Variants in PTPRN2 observed in about 807,000 individuals in gnomAD.
PTPRN2 encodes the protein protein tyrosine phosphatase receptor type N2, also known as receptor-type tyrosine-protein phosphatase N2.
Under a neutral mutation model 118.8 loss-of-function variants are expected in PTPRN2, and 74 were observed. The observed-to-expected ratio is 0.62, with a 90% confidence interval of 0.52 to 0.76. PTPRN2 has a LOEUF of 0.76. PTPRN2 is among the 30% of genes least tolerant of loss of function. The pLI is 0.00. For missense variants in PTPRN2, 1,481 were observed against 1,394.4 expected (o/e 1.06, Z -0.99); for synonymous variants, 641 against 608.0 (o/e 1.05, Z -0.80).
At chr7:157,740,684 T>C (rs73165812) in intron 12 of PTPRN2, among the ~76,000 whole-genome samples, 10,147 of 152,152 alleles carry the variant, frequency 0.067, 649 homozygotes, top group African/African-American at 0.16. Context: ...TCCTAATCAA[T>C]GCTTTTTCTT....
intron 1 of PTPRN2, among the ~76,000 whole-genome samples, chr7:158,523,458 G>A (rs1416501208): frequency 4.2e-5 from 6 of 141,376 alleles, no homozygotes; most frequent in South Asian, 4.7e-4. Flanking sequence ...GGAGTCGTCT[G>A]CCCTGGAGTG....
At chr7:157,722,490 G>T (rs1443578731) in intron 12 of PTPRN2, among the ~76,000 whole-genome samples, 3 of 152,212 alleles carry the variant, frequency 2.0e-5, no homozygotes, top group Admixed American at 6.5e-5. Flanking sequence ...CCCGTGGGTG[G>T]TGCAGACGAG....
intron 3 of PTPRN2, among the ~76,000 whole-genome samples, chr7:158,316,579 C>G (rs1802341182): frequency 6.6e-6 from 1 of 152,144 alleles, no homozygotes; most frequent in South Asian, 2.1e-4. Context: ...GCCACTGCAG[C>G]CTCCTGGCAT....
At chr7:157,878,895 C>T (rs1333511976) in intron 12 of PTPRN2, among the ~76,000 whole-genome samples, 9 of 124,180 alleles carry the variant, frequency 7.2e-5, no homozygotes, top group African/African-American at 3.1e-4. Context: ...AGTGTGATAC[C>T]ATGCACCCAC....
chr7:157,985,578 C>T (rs1436491740), intron 11 of PTPRN2, among the ~76,000 whole-genome samples: 1 of 152,198 alleles, frequency 6.6e-6, no homozygotes, highest in Non-Finnish European at 1.5e-5. Flanking sequence ...GTAGTTATAC[C>T]ATATATGATC....
chr7:157,890,115 G>C (rs188095955), intron 12 of PTPRN2, among the ~76,000 whole-genome samples: 239 of 150,110 alleles, frequency 1.6e-3, no homozygotes, highest in African/African-American at 5.8e-3. Context: ...TGATTTCCTT[G>C]CTCGATGGAG....
rs139323903 is a variant in PTPRN2 at position 158,255,268 on chromosome 7, C to T, written c.278-49995G>A. On this transcript the variant is annotated intron_variant, in intron 3 of 22. Transcript: ENST00000389418. ...AGGAAGATGTTTGGGGCTTATCTGA[C>T]CGTTTCTACAAGCATCTCTCAAATC... Among the ~76,000 whole-genome samples the T allele has an allele frequency of 9.8e-5, 15 of 152,294 alleles. No homozygotes were observed. In the East Asian group the frequency reaches 2.7e-3, roughly 27 times the overall value.
intron 14 of PTPRN2, among the ~76,000 whole-genome samples, chr7:157,638,853 C>T (rs1321497103): frequency 6.6e-6 from 1 of 152,192 alleles, no homozygotes; most frequent in African/African-American, 2.4e-5. Flanking sequence ...CCGTCAGGGC[C>T]CACTCGCTGC....
intron 2 of PTPRN2, among the ~76,000 whole-genome samples, chr7:158,347,513 G>C (rs1807602078): frequency 6.6e-6 from 1 of 152,128 alleles, no homozygotes; most frequent in South Asian, 2.1e-4. Flanking sequence ...TAGTTTCATA[G>C]TATATTTTGA....
intron 3 of PTPRN2, among the ~76,000 whole-genome samples, chr7:158,292,687 T>G (rs1303052423): frequency 6.6e-6 from 1 of 152,246 alleles, no homozygotes; most frequent in Non-Finnish European, 1.5e-5. Flanking sequence ...CAAGTTACTG[T>G]GCTGAATGCT....
chr7:157,962,231 T>C (rs2117519), intron 11 of PTPRN2, among the ~76,000 whole-genome samples: 129,307 of 152,304 alleles, frequency 0.85, 55,154 homozygotes, highest in East Asian at 0.9. Flanking sequence ...GCATAAACGA[T>C]TACAAATATT....
rs182623074 is a variant in PTPRN2 at position 157,823,245 on chromosome 7, A to T, written c.1788+75428T>A. On this transcript the variant is annotated intron_variant, in intron 12 of 22. Coordinates refer to ENST00000389418, the MANE Select transcript of PTPRN2 (RefSeq NM_002847.5). ...AATATTTAATAAAACCTTAAAACACATAAATACCTAAAATACTAAAGCCTG... is the reference window on the plus strand; with the variant it reads ...AATATTTAATAAAACCTTAAAACACTTAAATACCTAAAATACTAAAGCCTG... 1.1e-4 allele frequency among the ~76,000 whole-genome samples: 16 copies of T among 152,370 alleles called. No homozygotes were observed. The East Asian group carries it at 2.3e-3, about 22-fold the overall frequency.
chr7:158,373,707 T>C (rs1017912518), intron 2 of PTPRN2, among the ~76,000 whole-genome samples: 1 of 152,130 alleles, frequency 6.6e-6, no homozygotes, highest in Non-Finnish European at 1.5e-5. Flanking sequence ...TCCCACCGGA[T>C]GAAAGTTGAA....
rs192592266 is a variant in PTPRN2 at position 158,536,661 on chromosome 7, T to C, written c.113-46876A>G. Among the ~76,000 whole-genome samples the C allele has an allele frequency of 9.5e-3, 1,410 of 149,188 alleles. 20 individuals carry two copies. The highest frequency in any genetic ancestry group is 0.033 in the African/African-American group (1,303 of 40,040). On this transcript the variant is annotated intron_variant, in intron 1 of 22. Transcript: ENST00000389418. Reference sequence around the variant, plus strand: ...ACACAAGGGCCTTCCCAGCCCACCATTGACAAAACAAGACTCAGGAAGACA... The same window carrying C: ...ACACAAGGGCCTTCCCAGCCCACCACTGACAAAACAAGACTCAGGAAGACA...
At chr7:158,478,282 C>T (rs1054887828) in intron 2 of PTPRN2, among the ~76,000 whole-genome samples, 17 of 152,292 alleles carry the variant, frequency 1.1e-4, no homozygotes, top group Non-Finnish European at 1.3e-4. Context: ...CTGCAGTGGA[C>T]GGCTAGAGGA....
At chr7:158,484,210 C>T (rs147678889) in intron 2 of PTPRN2, among the ~76,000 whole-genome samples, 16 of 152,194 alleles carry the variant, frequency 1.1e-4, no homozygotes, top group Middle Eastern at 3.4e-3. Flanking sequence ...ACCACCTCAC[C>T]GTCCACCTCA....
rs188551363 is a variant in PTPRN2, at chr7:157,810,552, G to A, written c.1788+88121C>T. 1.7e-4 allele frequency among the ~76,000 whole-genome samples: 25 copies of A among 145,854 alleles called. No individual in the cohort carries two copies. The East Asian group carries it at 4.7e-3, about 27-fold the overall frequency. On this transcript the variant is annotated intron_variant, in intron 12 of 22. Coordinates refer to ENST00000389418, the MANE Select transcript of PTPRN2 (RefSeq NM_002847.5). ...CTGGGTTCTCCACGGGGACGGGGACGGCGGGACTGCTGGGGGCTGGGCTCT... is the reference window on the plus strand; with the variant it reads ...CTGGGTTCTCCACGGGGACGGGGACAGCGGGACTGCTGGGGGCTGGGCTCT...
intron 12 of PTPRN2, among the ~76,000 whole-genome samples, chr7:157,747,166 C>T (rs1426027575): frequency 7.1e-5 from 9 of 127,114 alleles, no homozygotes; most frequent in African/African-American, 1.6e-4. Flanking sequence ...CTGAGGCCTG[C>T]GTCCCTGAGC....
At position 158,138,432 on chromosome 7, in the gene PTPRN2, T is replaced by A. The variant is rs753629701; in HGVS notation, c.994A>T (p.Met332Leu). The part of the protein sequence containing the change: ...RGLSGLELDG[M>L]AELMAGLMQG... ...ATCAGGCCAGCCATCAGCTCAGCCA[T>A]GCCGTCCAGCTCCAGGCCACTCAGG... Residue 332 changes from methionine to leucine, a missense_variant, in exon 7 of 23, where the codon ATG (methionine) becomes TTG (leucine). This residue lies in a region of PTPRN2 where 1,115 missense variants were observed against 994.2 expected (regional missense o/e 1.12). Transcript: ENST00000389418. 36 of 1,613,310 alleles carry A rather than the reference T, an allele frequency of 2.2e-5. No individual in the cohort carries two copies. Among genetic ancestry groups the A allele is most frequent in the Non-Finnish European group, 3.1e-5 (36 of 1,179,922 alleles).
Sources: allele counts gnomAD v4.1 joint callset (sites outside exome capture counted in the v4.1 genomes callset), GRCh38; gene constraint gnomAD v4.1.1; regional missense constraint gnomAD v4.1.1; transcripts MANE v1.5; gene names NCBI Gene and HGNC (gene_info 2026-07-23, HGNC 2026-07-21).